KCNN2: variants seen among roughly 807,000 people sequenced by gnomAD.
KCNN2 encodes small conductance calcium-activated potassium channel protein 2.
A neutral mutation model predicts 55.5 loss-of-function variants in KCNN2; 24 were observed. The ratio of observed to expected loss-of-function variants is 0.43; its 90% CI spans 0.31 to 0.61. The LOEUF is 0.61. Ranked by LOEUF, KCNN2 falls within the 20% of genes least tolerant of loss-of-function variation. The probability of loss-of-function intolerance (pLI) is 0.08; values close to 1 mark genes in which losing one functional copy is unlikely to be tolerated. For synonymous variants in KCNN2, 431 were observed against 336.1 expected (o/e 1.28, Z -3.09); for missense variants, 754 against 853.6 (o/e 0.88, Z 1.45).
chr5:114,113,898 T>C (rs1160485109), intron 1 of KCNN2, among the ~76,000 whole-genome samples: 1 of 152,096 alleles, frequency 6.6e-6, no homozygotes, highest in Non-Finnish European at 1.5e-5. Flanking sequence ...TGGCAGCTTC[T>C]GTGAAATCTC....
chr5:114,409,823 C>T (rs369630650), intron 3 of KCNN2, among the ~76,000 whole-genome samples: 2 of 152,098 alleles, frequency 1.3e-5, no homozygotes, highest in African/African-American at 4.8e-5. Context: ...TTTTCCCTGG[C>T]ATATCATGTG....
chr5:114,318,025 A>G lies in KCNN2; in HGVS notation c.-184-42920A>G, dbSNP rs930381769. Reference sequence around the variant, plus strand: ...ACGTGGATGTTTATTATGGTGTACTAGAAGGATAAGTCCATTCACATTCCC... The same window carrying G: ...ACGTGGATGTTTATTATGGTGTACTGGAAGGATAAGTCCATTCACATTCCC... On this transcript the variant is annotated intron_variant, in intron 2 of 10. Transcript: ENST00000512097. Among the ~76,000 whole-genome samples the G allele has an allele frequency of 1.1e-4, 17 of 152,204 alleles. No homozygotes were observed. The East Asian group carries it at 1.9e-3, about 17-fold the overall frequency.
At chr5:114,325,223 C>T (rs903732045) in intron 2 of KCNN2, among the ~76,000 whole-genome samples, 14 of 151,996 alleles carry the variant, frequency 9.2e-5, no homozygotes, top group South Asian at 2.1e-4. Context: ...GGAATCAGGA[C>T]GTGATGATTT....
chr5:114,158,121 G>C (rs1183132070), intron 1 of KCNN2, among the ~76,000 whole-genome samples: 1 of 152,040 alleles, frequency 6.6e-6, no homozygotes, highest in Non-Finnish European at 1.5e-5. Context: ...TTCTTCTAGG[G>C]TTTTTATGGT....
chr5:114,333,647 A>C (rs1203913547), intron 2 of KCNN2, among the ~76,000 whole-genome samples: 9 of 152,108 alleles, frequency 5.9e-5, no homozygotes, highest in Non-Finnish European at 1.3e-4. Flanking sequence ...AAATCATTCA[A>C]AGAATTTCTT....
chr5:114,243,483 C>G (rs6887986), intron 2 of KCNN2, among the ~76,000 whole-genome samples: 121,889 of 145,600 alleles, frequency 0.84, 49,132 homozygotes, highest in East Asian at 0.9. Flanking sequence ...ACCCCTTTGT[C>G]CAGCGTATCC....
At chr5:114,431,050 C>T (rs577047344) in intron 3 of KCNN2, among the ~76,000 whole-genome samples, 102 of 152,152 alleles carry the variant, frequency 6.7e-4, no homozygotes, top group South Asian at 1.7e-3. Flanking sequence ...GATAGTCTTA[C>T]GTCCTTATAA....
chr5:114,100,357 A>G (rs552853268), intron 1 of KCNN2, among the ~76,000 whole-genome samples: 2 of 152,284 alleles, frequency 1.3e-5, no homozygotes, highest in East Asian at 3.9e-4. Flanking sequence ...TGAATCCCAA[A>G]GAAATATTAA....
chr5:114,260,097 A>G (rs1213515066), intron 2 of KCNN2, among the ~76,000 whole-genome samples: 1 of 152,026 alleles, frequency 6.6e-6, no homozygotes, highest in Non-Finnish European at 1.5e-5. Context: ...CTCCACTTCT[A>G]CCACCCTACT....
chr5:114,180,906 GCTT>G (rs1371012320), intron 1 of KCNN2, among the ~76,000 whole-genome samples: 2 of 152,122 alleles, frequency 1.3e-5, no homozygotes, highest in Non-Finnish European at 2.9e-5. Flanking sequence ...TTTGTATAAT[GCTT>G]CTTTCATTCA....
At chr5:114,059,950 G>A (rs1175704571) in intron 1 of KCNN2, among the ~76,000 whole-genome samples, 1 of 152,236 alleles carries the variant, frequency 6.6e-6, no homozygotes, top group African/African-American at 2.4e-5. Context: ...GTGGAGCCAT[G>A]AGATTTGGTT....
intron 2 of KCNN2, among the ~76,000 whole-genome samples, chr5:114,380,234 C>T (rs867792146): frequency 4.6e-5 from 7 of 152,076 alleles, no homozygotes; most frequent in East Asian, 1.9e-4. Flanking sequence ...CAATTGTTGC[C>T]GTTTTCTTCT....
intron 1 of KCNN2, among the ~76,000 whole-genome samples, chr5:114,066,015 T>A (rs1463753977): frequency 1.3e-5 from 2 of 152,104 alleles, no homozygotes; most frequent in Non-Finnish European, 2.9e-5. Context: ...TGAACCTGAC[T>A]GTAGGAGTCA....
intron 3 of KCNN2, among the ~76,000 whole-genome samples, chr5:114,432,796 GC>G (rs1232281038): frequency 1.3e-5 from 2 of 152,210 alleles, no homozygotes; most frequent in Non-Finnish European, 2.9e-5. Context: ...AGCCCTGCCG[GC>G]CCGGGCAATG....
intron 2 of KCNN2, among the ~76,000 whole-genome samples, chr5:114,308,497 C>T (rs966150833): frequency 3.3e-5 from 5 of 152,146 alleles, no homozygotes; most frequent in Admixed American, 1.3e-4. Context: ...AGTAGCCTCA[C>T]GGTCATTTAT....
In KCNN2 at chr5:114,076,832, T is replaced by C. The variant is rs373916403; in HGVS notation, c.-271+20332T>C. Among the ~76,000 whole-genome samples, 980 of 152,034 alleles carry C rather than the reference T, an allele frequency of 6.4e-3. 13 individuals carry two copies. Among genetic ancestry groups the C allele is most frequent in the African/African-American group, 0.022 (915 of 41,448 alleles). On this transcript the variant is annotated intron_variant, in intron 1 of 10. Coordinates refer to the KCNN2 transcript ENST00000512097. ...CCTCAGCCTCCTAAGTAGCTGGGAGTGCAGGCACGTGCCAACATGCCCGGC... is the reference window on the plus strand; with the variant it reads ...CCTCAGCCTCCTAAGTAGCTGGGAGCGCAGGCACGTGCCAACATGCCCGGC...
chr5:114,304,111 A>G (rs1181988100), intron 2 of KCNN2, among the ~76,000 whole-genome samples: 1 of 152,196 alleles, frequency 6.6e-6, no homozygotes, highest in South Asian at 2.1e-4. Flanking sequence ...CACTGGAAGA[A>G]TTTCCCTTCA....
intron 1 of KCNN2, among the ~76,000 whole-genome samples, chr5:114,174,546 C>T (rs1359076316): frequency 6.6e-6 from 1 of 152,138 alleles, no homozygotes. Context: ...GATCCTCTAT[C>T]ATGCAAGACT....
chr5:114,316,117 C>G (rs1346323141), intron 2 of KCNN2, among the ~76,000 whole-genome samples: 1 of 152,100 alleles, frequency 6.6e-6, no homozygotes, highest in Non-Finnish European at 1.5e-5. Context: ...GTGTTGTAAC[C>G]TGTTTTAGCA....
Sources: allele counts gnomAD v4.1 joint callset (sites outside exome capture counted in the v4.1 genomes callset), GRCh38; gene constraint gnomAD v4.1.1; transcripts MANE v1.5; gene names NCBI Gene and HGNC (gene_info 2026-07-23, HGNC 2026-07-21).